Variants in PCDHA3 observed in about 807,000 individuals in gnomAD.
PCDHA3 encodes the protein protocadherin alpha-3.
In PCDHA3, 41 loss-of-function variants were observed where a neutral mutation model predicts 62.2. That is an observed-to-expected ratio of 0.66 (90% CI 0.51 to 0.86). PCDHA3 has a LOEUF of 0.86. Among genes scored for constraint, PCDHA3 ranks in the 40% least tolerant of loss-of-function variants. PCDHA3 has a pLI of 0.00. For synonymous variants in PCDHA3, 640 were observed against 555.4 expected (o/e 1.15, Z -2.14); for missense variants, 1,304 against 1,241.2 (o/e 1.05, Z -0.76).
intron 1 of PCDHA3, chr5:140,852,075 A>G (rs2042230918): frequency 1.1e-6 from 1 of 900,346 alleles, no homozygotes; most frequent in Admixed American, 6.3e-5. Flanking sequence ...TCTTTCAGCT[A>G]TTTTATTTAA....
intron 3 of PCDHA3, among the ~76,000 whole-genome samples, chr5:141,005,701 CAAAA>C (rs59860837): frequency 2.6e-4 from 2 of 7,790 alleles, no homozygotes; most frequent in African/African-American, 4.7e-4. Flanking sequence ...AACTCCGTCT[CAAAA>C]AAAAAAAAAA....
chr5:140,852,883 G>T, intron 1 of PCDHA3: 1 of 933,168 alleles, frequency 1.1e-6, no homozygotes, highest in Non-Finnish European at 1.3e-6. Flanking sequence ...ATCATAAAAC[G>T]TATTTTTTTT....
intron 1 of PCDHA3, chr5:140,928,865 A>G: frequency 6.2e-7 from 1 of 1,614,072 alleles, no homozygotes; most frequent in Non-Finnish European, 8.5e-7. Flanking sequence ...CTGTTGAGCA[A>G]CTCTGTCCCT....
At chr5:140,981,378 A>G (rs1386165836) in intron 2 of PCDHA3, among the ~76,000 whole-genome samples, 3 of 152,186 alleles carry the variant, frequency 2.0e-5, no homozygotes, top group Non-Finnish European at 4.4e-5. Flanking sequence ...GTTCAAGACC[A>G]GCCTGGTCAA....
At chr5:140,948,269 A>G (rs1339240276) in intron 1 of PCDHA3, among the ~76,000 whole-genome samples, 1 of 151,602 alleles carries the variant, frequency 6.6e-6, no homozygotes, top group Non-Finnish European at 1.5e-5. Flanking sequence ...GTTCATGTAG[A>G]ATATCTGTAA....
chr5:140,813,626 G>A (rs2126648112), intron 1 of PCDHA3: 21 of 152,262 alleles, frequency 1.4e-4, no homozygotes, highest in African/African-American at 5.1e-4. Context: ...GAATGTGAAG[G>A]CCCAGGACAT....
At chr5:140,834,585 T>C in intron 1 of PCDHA3, 1 of 1,614,126 alleles carries the variant, frequency 6.2e-7, no homozygotes, top group South Asian at 1.1e-5. Context: ...CCGGGCGGTG[T>C]GCAAATTCCG....
chr5:140,864,600 C>G (rs1159658217), intron 1 of PCDHA3: 3 of 152,164 alleles, frequency 2.0e-5, no homozygotes, highest in African/African-American at 7.2e-5. Flanking sequence ...TTCAGATAGC[C>G]AACAACTTTG....
intron 1 of PCDHA3, among the ~76,000 whole-genome samples, chr5:140,921,987 G>T (rs1414139435): frequency 6.6e-6 from 1 of 151,868 alleles, no homozygotes; most frequent in Non-Finnish European, 1.5e-5. Context: ...AACTAAAAAA[G>T]AGTTCAATGA....
At chr5:140,917,330 A>G (rs155802) in intron 1 of PCDHA3, among the ~76,000 whole-genome samples, 15,235 of 96,446 alleles carry the variant, frequency 0.16, 1,247 homozygotes, top group East Asian at 0.38. Context: ...GTGGCGGGGG[A>G]GGGGGGGGAT....
intron 1 of PCDHA3, chr5:140,857,244 CCTA>C (rs782212916): frequency 6.3e-7 from 1 of 1,598,476 alleles, no homozygotes; most frequent in East Asian, 2.2e-5. Flanking sequence ...CTGGTGTCCA[CCTA>C]CAAGAATTAC....
chr5:140,818,756 T>C (rs1766432143), intron 1 of PCDHA3, among the ~76,000 whole-genome samples: 1 of 152,212 alleles, frequency 6.6e-6, no homozygotes, highest in Non-Finnish European at 1.5e-5. Context: ...GAGGATGGCT[T>C]GAGCCTGAGG....
chr5:140,850,512 G>A lies in PCDHA3; in HGVS notation c.2394+46921G>A, dbSNP rs17844334. 2.6e-5 allele frequency: 41 copies of A among 1,598,146 alleles called. 4 individuals carry two copies. The highest frequency in any genetic ancestry group is 5.1e-5 in the Admixed American group (3 of 59,282). On this transcript the variant is annotated intron_variant, in intron 1 of 3. Coordinates refer to ENST00000522353, the MANE Select transcript of PCDHA3 (RefSeq NM_018906.3). Reference sequence around the variant, plus strand: ...TGTGCTGGTGTCGCTGGTGGAGAGCGGCCAGGCGCCAAAGTCATCGTCGCG... The same window carrying A: ...TGTGCTGGTGTCGCTGGTGGAGAGCAGCCAGGCGCCAAAGTCATCGTCGCG...
intron 1 of PCDHA3, chr5:140,822,473 A>G: frequency 1.2e-6 from 2 of 1,613,830 alleles, no homozygotes; most frequent in Non-Finnish European, 1.7e-6. Context: ...AATGTATTGG[A>G]TGCTAATGAT....
chr5:140,925,088 A>G (rs536355365), intron 1 of PCDHA3, among the ~76,000 whole-genome samples: 11 of 151,436 alleles, frequency 7.3e-5, no homozygotes, highest in African/African-American at 2.7e-4. Context: ...CTGGAAAGGA[A>G]GGAAGGAAGG....
chr5:140,829,995 G>A, intron 1 of PCDHA3: 6 of 1,613,982 alleles, frequency 3.7e-6, no homozygotes, highest in Non-Finnish European at 3.4e-6. Flanking sequence ...AGCACCACTC[G>A]TGTCCTGGAC....
chr5:140,985,499 C>G (rs1307302690), intron 3 of PCDHA3, among the ~76,000 whole-genome samples: 1 of 152,170 alleles, frequency 6.6e-6, no homozygotes, highest in African/African-American at 2.4e-5. Flanking sequence ...TAGAGCCTGC[C>G]TTTCATTGAT....
intron 1 of PCDHA3, chr5:140,865,192 A>C (rs1306002523): frequency 3.9e-5 from 6 of 152,218 alleles, no homozygotes; most frequent in Non-Finnish European, 8.8e-5. Flanking sequence ...CCTTCACACC[A>C]TATTAATGTG....
At chr5:140,891,454 A>C (rs1562858065) in intron 1 of PCDHA3, among the ~76,000 whole-genome samples, 1 of 145,650 alleles carries the variant, frequency 6.9e-6, no homozygotes, top group East Asian at 2.1e-4. Context: ...AGGATTTTTG[A>C]ATTTGTGAAT....
Sources: gnomAD v4.1 joint callset for allele counts (sites outside exome capture counted in the v4.1 genomes callset) on GRCh38, gnomAD v4.1.1 for gene constraint, MANE v1.5 for transcripts, NCBI Gene and HGNC (gene_info 2026-07-23, HGNC 2026-07-21) for gene names.